Variants in CD300LG observed in about 807,000 individuals in gnomAD.
CD300LG encodes CD300 molecule like family member g, also known as CMRF35-like molecule 9.
In CD300LG, 29 loss-of-function variants were observed where a neutral mutation model predicts 31.5. The observed-to-expected ratio is 0.92, with a 90% CI of 0.68 to 1.25. The LOEUF (loss-of-function observed/expected upper bound fraction) is 1.25. Among genes scored for constraint, CD300LG ranks in the 50% most tolerant of loss-of-function variants. The pLI is 0.00. For missense variants in CD300LG, 396 were observed against 417.6 expected (o/e 0.95, Z 0.45); for synonymous variants, 175 against 177.2 (o/e 0.99, Z 0.10).
intron 2 of CD300LG, 142 bp from the exon 3 acceptor site, chr17:43,852,770 C>T (rs1275121146): frequency 7.1e-6 from 4 of 561,878 alleles, no homozygotes; most frequent in African/African-American, 3.9e-5. Context: ...GAACCCGCCA[C>T]GTGGCTCCTG....
At chr17:43,861,294 C>T (rs1042923087) in intron 6 of CD300LG, 1 of 985,152 alleles carries the variant, frequency 1.0e-6, no homozygotes, top group East Asian at 1.1e-4. Flanking sequence ...GGCTGAGGAG[C>T]CACCTTGCCT....
Position 43,863,280 on chromosome 17 carries a change from A to C in CD300LG, c.*1369A>C. The stretch of plus-strand genomic sequence containing the variant: ...ATGAGCCTCCTGCTTCAGTCTCCCA[A>C]ATTGCCGGGATTACAGGCATGAGCC... On this transcript the variant is annotated 3_prime_UTR_variant, in exon 7 of 7. Transcript: ENST00000317310. The C allele has an allele frequency of 6.6e-6, 1 of 152,154 alleles. No homozygotes were observed. The allele number at this position is 152,154 out of a possible 1,614,324, so 9.4% of individuals were successfully genotyped here. A position where few individuals can be genotyped will look rare whatever the true frequency, so the allele number is the denominator to read the frequency against.
At position 43,855,329 on chromosome 17, in the gene CD300LG, G is replaced by T. The variant is rs761421445; in HGVS notation, c.832+10G>T. 15 of 1,522,936 alleles carry T rather than the reference G, an allele frequency of 9.8e-6. No individual in the cohort carries two copies. Among genetic ancestry groups the T allele is most frequent in the Admixed American group, 8.3e-5 (4 of 48,002 alleles). 94.3% of individuals were successfully genotyped at this position (1,522,936 alleles called of 1,614,324 possible). On this transcript the variant is annotated intron_variant, in intron 5 of 6. Transcript: ENST00000317310. ...CTGTGGAGAAAGGAAGGTGAGCAAA[G>T]GTGGGCGGCAGGAAGGCGGGAGGCT...
intron 5 of CD300LG, among the ~76,000 whole-genome samples, chr17:43,856,357 T>C (rs1050752912): frequency 3.9e-5 from 6 of 152,194 alleles, no homozygotes; most frequent in African/African-American, 1.4e-4. Flanking sequence ...TAATAAGAGC[T>C]ACCATGTGCC....
chr17:43,856,256 A>C (rs950342426), intron 5 of CD300LG, among the ~76,000 whole-genome samples: 2 of 152,240 alleles, frequency 1.3e-5, no homozygotes, highest in Non-Finnish European at 2.9e-5. Flanking sequence ...GTCTAACATG[A>C]AGTAGTCACA....
Position 43,861,888 on chromosome 17 carries a change from T to G in CD300LG, c.976T>G (p.Phe326Val). 6.2e-7 allele frequency: 1 copy of G among 1,611,110 alleles called. No homozygotes were observed. ...PLHTSEEELG[F>V]SKFVSA ...CCACACATCTGAGGAGGAGCTGGGC[T>G]TCTCGAAGTTTGTCTCAGCGTAGGG... The change falls in exon 7 of 7, where the codon TTC becomes GTC. Residue 326 changes from phenylalanine to valine, a missense_variant. Phe to Val is a conservative substitution (Grantham distance 50). Coordinates refer to ENST00000317310, the MANE Select transcript of CD300LG (RefSeq NM_145273.4).
chr17:43,847,392 G>T, intron 1 of CD300LG, 133 bp downstream of exon 1: 1 of 879,678 alleles, frequency 1.1e-6, no homozygotes. Flanking sequence ...AGCGGGGCGG[G>T]CTGGGGGTGG....
At position 43,863,560 on chromosome 17, in the gene CD300LG, A is replaced by G. The variant is rs1175146730; in HGVS notation, c.*1649A>G. 2.0e-5 allele frequency: 3 copies of G among 152,108 alleles called. No homozygotes were observed. The highest frequency in any genetic ancestry group is 7.2e-5 in the African/African-American group (3 of 41,404). The allele number at this position is 152,108 out of a possible 1,614,324, so 9.4% of individuals were successfully genotyped here. On this transcript the variant is annotated 3_prime_UTR_variant, in exon 7 of 7. Transcript: ENST00000317310. ...CCTGCCTTTTCCACCTTATCGTTCC[A>G]TCACTTTATTCCAGCACTTCTCTGT...
At position 43,848,566 on chromosome 17, in the gene CD300LG, G is replaced by A; in HGVS notation, c.52G>A (p.Ala18Thr). The A allele has an allele frequency of 6.2e-7, 1 of 1,613,336 alleles. No homozygotes were observed. Among genetic ancestry groups the A allele is most frequent in the African/African-American group, 1.3e-5 (1 of 75,044 alleles). The change falls in exon 2 of 7, where the codon GCC (alanine) becomes ACC (threonine). Residue 18 changes from alanine to threonine, a missense_variant. Coordinates refer to ENST00000317310, the MANE Select transcript of CD300LG (RefSeq NM_145273.4). The stretch of plus-strand genomic sequence containing the variant: ...TCCTGCTCTGATTTTAGGTTATGAA[G>A]CCCTGGAGGGCCCAGAGGAAATCAG... ...WGCLLLPGYE[A>T]LEGPEEISGF...
intron 6 of CD300LG, among the ~76,000 whole-genome samples, chr17:43,858,953 T>C (rs921333804): frequency 6.6e-6 from 1 of 152,188 alleles, no homozygotes; most frequent in African/African-American, 2.4e-5. Flanking sequence ...AGGGGCTTTA[T>C]ATATGCCAAC....
At chr17:43,861,091 C>T (rs980983921) in intron 6 of CD300LG, 3 of 985,360 alleles carry the variant, frequency 3.0e-6, no homozygotes, top group African/African-American at 3.5e-5. Context: ...CAGACCATCC[C>T]TGCTGCCAAG....
chr17:43,858,653 G>A, intron 6 of CD300LG: 4 of 985,450 alleles, frequency 4.1e-6, no homozygotes, highest in Non-Finnish European at 4.8e-6. Flanking sequence ...AACACGATCA[G>A]GTGGGTGCTT....
intron 6 of CD300LG, chr17:43,857,791 A>T: frequency 3.9e-6 from 6 of 1,537,016 alleles, no homozygotes; most frequent in Non-Finnish European, 5.2e-6. Flanking sequence ...TCTTTCCAGA[A>T]CTCCCTGATG....
At position 43,848,779 on chromosome 17, in the gene CD300LG, T is replaced by C; in HGVS notation, c.265T>C (p.Ser89Pro). 6.2e-7 allele frequency: 1 copy of C among 1,614,162 alleles called. No homozygotes were observed. Among genetic ancestry groups the C allele is most frequent in the Non-Finnish European group, 8.5e-7 (1 of 1,180,036 alleles). The change falls in exon 2 of 7, where the codon TCG (serine) becomes CCG (proline). Residue 89 changes from serine to proline, a missense_variant. Transcript: ENST00000317310. ...CATCCGTGACAGCCGCCAGGAGCTCTCGCTCATTGTGACCCTGTGGAACCT... is the reference window on the plus strand; with the variant it reads ...CATCCGTGACAGCCGCCAGGAGCTCCCGCTCATTGTGACCCTGTGGAACCT... ...VSIRDSRQELSLIVTLWNLTL... is the reference protein window; with the variant it reads ...VSIRDSRQELPLIVTLWNLTL...
chr17:43,858,843 G>C (rs1010646399), intron 6 of CD300LG, among the ~76,000 whole-genome samples: 2 of 152,102 alleles, frequency 1.3e-5, no homozygotes, highest in African/African-American at 4.8e-5. Flanking sequence ...GAAGTCTTAG[G>C]GGTCAGACCA....
At chr17:43,853,624 C>G (rs908861648) in intron 3 of CD300LG, among the ~76,000 whole-genome samples, 183 bp from the exon 4 acceptor site, 1 of 152,152 alleles carries the variant, frequency 6.6e-6, no homozygotes, top group Non-Finnish European at 1.5e-5. Context: ...GCCTGATCTA[C>G]GGTCTCCTTC....
chr17:43,863,268 T>C lies in CD300LG; in HGVS notation c.*1357T>C, dbSNP rs1267737848. ...TCCTGACCTCAAATGAGCCTCCTGC[T>C]TCAGTCTCCCAAATTGCCGGGATTA... On this transcript the variant is annotated 3_prime_UTR_variant, in exon 7 of 7. Transcript: ENST00000317310. 1 of 152,128 alleles carries C rather than the reference T, an allele frequency of 6.6e-6. No individual in the cohort carries two copies. The allele number at this position is 152,128 out of a possible 1,614,324, so 9.4% of individuals were successfully genotyped here.
intron 4 of CD300LG, among the ~76,000 whole-genome samples, chr17:43,854,402 T>C (rs375092445): frequency 4.6e-5 from 7 of 152,322 alleles, no homozygotes; most frequent in African/African-American, 7.2e-5. Flanking sequence ...AAACAATTTT[T>C]TGCCTTACAA....
intron 2 of CD300LG, among the ~76,000 whole-genome samples, chr17:43,851,640 A>ATT (rs60784804): frequency 6.5e-4 from 73 of 111,864 alleles, no homozygotes; most frequent in Non-Finnish European, 9.8e-4. Context: ...GAGGACAGGA[A>ATT]TTTTTTTTTT....
Sources: allele counts gnomAD v4.1 joint callset (sites outside exome capture counted in the v4.1 genomes callset), GRCh38; gene constraint gnomAD v4.1.1; transcripts MANE v1.5; gene names NCBI Gene and HGNC (gene_info 2026-07-23, HGNC 2026-07-21).